The following PRH1 variants were observed in gnomAD, a reference collection of about 807,000 sequenced individuals.
PRH1 encodes salivary acidic proline-rich phosphoprotein 1/2.
PRH1 carries 7 observed loss-of-function variants against 7.9 expected under a neutral mutation model. The observed-to-expected ratio is 0.89, with a 90% CI of 0.50 to 1.67. PRH1 has a LOEUF of 1.67. Ranked by LOEUF, PRH1 falls within the 40% of genes most tolerant of loss-of-function variation. PRH1 has a pLI of 0.00. For synonymous variants in PRH1, 45 were observed against 80.8 expected (o/e 0.56, Z 2.38); for missense variants, 109 against 223.6 (o/e 0.49, Z 3.27).
chr12:10,930,961 C>T lies in PRH1; in HGVS notation c.-59+42694G>A, dbSNP rs774039343. On this transcript the variant is annotated intron_variant, in intron 2 of 3. Transcript: ENST00000539853. ...ACAAGGACCACCCCAACAGGGAGGCCATCAGCAAGGTCCTCCCCCACCTCC... is the reference window on the plus strand; with the variant it reads ...ACAAGGACCACCCCAACAGGGAGGCTATCAGCAAGGTCCTCCCCCACCTCC... 4.4e-6 allele frequency: 7 copies of T among 1,601,464 alleles called. No homozygotes were observed. In the Admixed American group the frequency reaches 1.0e-4, roughly 23 times the overall value.
At chr12:11,017,797 C>T (rs960331526) in intron 1 of PRH1, among the ~76,000 whole-genome samples, 2 of 151,990 alleles carry the variant, frequency 1.3e-5, no homozygotes, top group African/African-American at 4.8e-5. Context: ...CGAGCAGAAA[C>T]ATCCTGTTTA....
chr12:11,112,281 G>GACT (rs1317389002), intron 1 of PRH1, among the ~76,000 whole-genome samples: 2 of 152,126 alleles, frequency 1.3e-5, no homozygotes, highest in African/African-American at 4.8e-5. Flanking sequence ...GAAAAAGAGG[G>GACT]ACTACTCCTT....
chr12:11,088,461 A>T (rs1388116906), intron 1 of PRH1, among the ~76,000 whole-genome samples: 1 of 105,366 alleles, frequency 9.5e-6, no homozygotes, highest in Non-Finnish European at 2.2e-5. Flanking sequence ...GAAGAAAAGA[A>T]ATCAACCTGA....
chr12:11,045,477 T>C (rs1378684488), intron 1 of PRH1, among the ~76,000 whole-genome samples: 1 of 152,152 alleles, frequency 6.6e-6, no homozygotes, highest in Non-Finnish European at 1.5e-5. Flanking sequence ...AGGGGATGGC[T>C]ACCCCATTCT....
intron 1 of PRH1, among the ~76,000 whole-genome samples, chr12:11,087,785 T>C (rs1944755829): frequency 8.9e-6 from 1 of 112,848 alleles, no homozygotes. Context: ...CAATGCAGAC[T>C]ACCATGAACT....
At chr12:10,892,763 C>T (rs183746964) in intron 2 of PRH1, among the ~76,000 whole-genome samples, 9 of 152,278 alleles carry the variant, frequency 5.9e-5, no homozygotes, top group Non-Finnish European at 2.9e-5. Flanking sequence ...TTGAGAATTT[C>T]TATACTCTAA....
At chr12:11,039,359 GCT>G (rs1185207655) in intron 1 of PRH1, among the ~76,000 whole-genome samples, 1 of 152,230 alleles carries the variant, frequency 6.6e-6, no homozygotes, top group East Asian at 1.9e-4. Context: ...TGTAATCAAT[GCT>G]CTCTTTATGG....
At chr12:10,988,590 T>C (rs1939766634) in intron 1 of PRH1, among the ~76,000 whole-genome samples, 1 of 152,114 alleles carries the variant, frequency 6.6e-6, no homozygotes, top group African/African-American at 2.4e-5. Flanking sequence ...CAGTTAATAA[T>C]TTTTAAATAC....
At chr12:10,885,792 G>A (rs2135784595), upstream of PRH1, among the ~76,000 whole-genome samples, 2 of 152,330 alleles carry the variant, frequency 1.3e-5, no homozygotes, top group East Asian at 1.9e-4. Context: ...GGATAGCTTG[G>A]TTGGAGGCAT....
chr12:11,091,935 C>T lies in PRH1; in HGVS notation n.124-44747G>A, dbSNP rs749052007. ...AAATAAAATATGCTGAGGGTAGTAG[C>T]AAGCCAGTTGCTGAAATGGTTGATC... On this transcript the variant is annotated intron_variant and non_coding_transcript_variant, in intron 1 of 4. Coordinates refer to the PRH1 transcript ENST00000541977. 6 of 1,229,350 alleles carry T rather than the reference C, an allele frequency of 4.9e-6. 1 individual carries two copies. Among genetic ancestry groups the T allele is most frequent in the Middle Eastern group, 3.6e-4 (2 of 5,522 alleles). The allele number at this position is 1,229,350 out of a possible 1,614,324, so 76.2% of individuals were successfully genotyped here. A position where few individuals can be genotyped will look rare whatever the true frequency, so the allele number is the denominator to read the frequency against.
chr12:10,999,888 A>T (rs965571677), intron 1 of PRH1, among the ~76,000 whole-genome samples: 1 of 152,106 alleles, frequency 6.6e-6, no homozygotes, highest in Admixed American at 6.6e-5. Flanking sequence ...ACATAGTTGC[A>T]TGTACATGTG....
intron 1 of PRH1, among the ~76,000 whole-genome samples, chr12:11,025,891 A>T (rs1348616078): frequency 6.6e-6 from 1 of 152,294 alleles, no homozygotes; most frequent in Non-Finnish European, 1.5e-5. Context: ...CCTTCCATAA[A>T]TCATTTTCTA....
At chr12:11,018,312 C>T (rs995682868) in intron 1 of PRH1, among the ~76,000 whole-genome samples, 13 of 152,270 alleles carry the variant, frequency 8.5e-5, no homozygotes, top group South Asian at 6.2e-4. Context: ...AGCACAAGAC[C>T]CCGTGCAACT....
intron 1 of PRH1, among the ~76,000 whole-genome samples, chr12:11,064,934 G>A (rs958747825): frequency 6.6e-6 from 1 of 151,964 alleles, no homozygotes; most frequent in Non-Finnish European, 1.5e-5. Flanking sequence ...CTACTCACAA[G>A]GCTGAGGTGG....
At chr12:11,086,477 C>A (rs1330007121) in intron 1 of PRH1, among the ~76,000 whole-genome samples, 1 of 150,200 alleles carries the variant, frequency 6.7e-6, no homozygotes, top group Non-Finnish European at 1.5e-5. Context: ...TATTTCTTTT[C>A]AGTTTTTATA....
At chr12:10,901,328 G>A (rs1297413165) in intron 2 of PRH1, among the ~76,000 whole-genome samples, 1 of 152,190 alleles carries the variant, frequency 6.6e-6, no homozygotes, top group Non-Finnish European at 1.5e-5. Flanking sequence ...CCTGGATTAA[G>A]AGTTTAGGCC....
At chr12:11,111,034 C>G (rs1001336700) in intron 1 of PRH1, among the ~76,000 whole-genome samples, 1 of 152,000 alleles carries the variant, frequency 6.6e-6, no homozygotes, top group African/African-American at 2.4e-5. Flanking sequence ...TTTAAACCAA[C>G]AAAGGTCAAA....
chr12:10,883,494 C>T (rs1949442544), intron 1 of PRH1, among the ~76,000 whole-genome samples: 1 of 152,146 alleles, frequency 6.6e-6, no homozygotes, highest in Non-Finnish European at 1.5e-5. Context: ...AGTTAAACTG[C>T]TCTGAGTATT....
intron 1 of PRH1, among the ~76,000 whole-genome samples, chr12:11,109,808 G>T (rs1945535088): frequency 1.3e-5 from 2 of 152,052 alleles, no homozygotes; most frequent in African/African-American, 4.8e-5. Context: ...AACAAAACTG[G>T]ACAGAGAATG....
Sources: gnomAD v4.1 joint callset for allele counts (sites outside exome capture counted in the v4.1 genomes callset) on GRCh38, gnomAD v4.1.1 for gene constraint, MANE v1.5 for transcripts, NCBI Gene and HGNC (gene_info 2026-07-23, HGNC 2026-07-21) for gene names.